Variants in SHISA6 observed in about 807,000 individuals in gnomAD.
SHISA6 encodes the protein protein shisa-6.
A neutral mutation model predicts 47.9 loss-of-function variants in SHISA6; 22 were observed. That is an observed-to-expected ratio of 0.46 (90% CI 0.33 to 0.66). The LOEUF (loss-of-function observed/expected upper bound fraction) is 0.66, where lower values mean the gene tolerates loss of function less well. SHISA6 is among the 30% of genes least tolerant of loss of function. SHISA6 has a pLI of 0.02. For synonymous variants in SHISA6, 388 were observed against 337.8 expected (o/e 1.15, Z -1.63); for missense variants, 680 against 764.6 (o/e 0.89, Z 1.30).
chr17:11,379,420 A>G lies in SHISA6; in HGVS notation c.806A>G (p.Tyr269Cys). Reference protein sequence around the residue: ...VRTAKQTPGHYGKDAYRSGGP... With the variant: ...VRTAKQTPGHCGKDAYRSGGP... ...CTGCCCCATCTTCTTGCAGGGCATT[A>G]TGGGAAGGATGCTTACCGAAGTGGA... Residue 269 changes from tyrosine (Y) to cysteine (C), a missense_variant, in exon 3 of 6, where the codon TAT becomes TGT. Coordinates refer to ENST00000441885, the MANE Select transcript of SHISA6 (RefSeq NM_207386.4). 1 of 1,537,080 alleles carries G rather than the reference A, an allele frequency of 6.5e-7. No individual in the cohort carries two copies. The highest frequency in any genetic ancestry group is 8.8e-7 in the Non-Finnish European group (1 of 1,140,946).
At chr17:11,285,793 G>T (rs1334879263) in intron 2 of SHISA6, among the ~76,000 whole-genome samples, 1 of 151,990 alleles carries the variant, frequency 6.6e-6, no homozygotes, top group Non-Finnish European at 1.5e-5. Flanking sequence ...TGGAATGAGA[G>T]GCAGGGTGGT....
intron 3 of SHISA6, among the ~76,000 whole-genome samples, chr17:11,477,468 T>C (rs940316171): frequency 2.0e-5 from 3 of 152,112 alleles, no homozygotes; most frequent in African/African-American, 7.2e-5. Context: ...GTGCACATTG[T>C]GCAGGTTAGT....
intron 3 of SHISA6, among the ~76,000 whole-genome samples, chr17:11,405,996 A>T (rs148945294): frequency 6.6e-5 from 10 of 152,208 alleles, no homozygotes; most frequent in Admixed American, 5.2e-4. Context: ...ACATATTTTC[A>T]TCATAGAAGA....
chr17:11,481,813 T>C (rs954631906), intron 3 of SHISA6, among the ~76,000 whole-genome samples: 4 of 151,702 alleles, frequency 2.6e-5, no homozygotes, highest in African/African-American at 7.3e-5. Flanking sequence ...TTTAAGAGCA[T>C]GGTAGGTTAA....
At chr17:11,523,572 G>T (rs1287805583) in intron 3 of SHISA6, among the ~76,000 whole-genome samples, 1 of 152,190 alleles carries the variant, frequency 6.6e-6, no homozygotes, top group African/African-American at 2.4e-5. Context: ...AACAAGGATA[G>T]TCTAGGGCTC....
chr17:11,328,321 C>A (rs1910980353), intron 2 of SHISA6, among the ~76,000 whole-genome samples: 1 of 152,160 alleles, frequency 6.6e-6, no homozygotes, highest in Non-Finnish European at 1.5e-5. Context: ...GAACTTTTCC[C>A]TAATGGTTGC....
intron 3 of SHISA6, among the ~76,000 whole-genome samples, chr17:11,450,995 TAA>T (rs757372845): frequency 2.5e-4 from 31 of 123,044 alleles, no homozygotes; most frequent in Admixed American, 4.9e-4. Context: ...AATAGAAAAT[TAA>T]AAAAAAAAAA....
chr17:11,492,150 G>A (rs1271041432), intron 3 of SHISA6, among the ~76,000 whole-genome samples: 1 of 152,082 alleles, frequency 6.6e-6, no homozygotes, highest in Non-Finnish European at 1.5e-5. Flanking sequence ...TCTCCTGTTG[G>A]ATCTTTATGT....
chr17:11,456,532 AGAT>A lies in SHISA6; in HGVS notation c.895+77029_895+77031del, dbSNP rs1240598213. On this transcript the variant is annotated intron_variant, in intron 3 of 5. Coordinates refer to ENST00000441885, the MANE Select transcript of SHISA6 (RefSeq NM_207386.4). Reference sequence around the variant, plus strand: ...CTAGCTCCAGGCATCTACATCCATAAGATGATGAATTCAGACAAGATAGTTGGT... The same window carrying A: ...CTAGCTCCAGGCATCTACATCCATAAGATGAATTCAGACAAGATAGTTGGT... Among the ~76,000 whole-genome samples the A allele has an allele frequency of 2.0e-5, 3 of 152,200 alleles. No homozygotes were observed. The East Asian group carries it at 5.8e-4, about 29-fold the overall frequency.
rs115388569 is a variant in SHISA6 at position 11,386,710 on chromosome 17, C to T, written c.895+7201C>T. Among the ~76,000 whole-genome samples, 1,014 of 152,256 alleles carry T rather than the reference C, an allele frequency of 6.7e-3. 15 individuals are homozygous for T. Among genetic ancestry groups the T allele is most frequent in the African/African-American group, 0.023 (952 of 41,538 alleles). ...GATAGAATCTACAGCTCAGGCGGGG[C>T]GCTGGCCTTGGCAAGGAGCAAACCC... On this transcript the variant is annotated intron_variant, in intron 3 of 5. Coordinates refer to ENST00000441885, the MANE Select transcript of SHISA6 (RefSeq NM_207386.4).
chr17:11,558,399 T>C lies in SHISA6; in HGVS notation c.*95T>C, dbSNP rs914382566. On this transcript the variant is annotated 3_prime_UTR_variant, in exon 6 of 6. Coordinates refer to ENST00000441885, the MANE Select transcript of SHISA6 (RefSeq NM_207386.4). Reference sequence around the variant, plus strand: ...AGCTTCTAGCCTTGCCACTCTCCCTTCCCTTGTCCCCTCTGTAGGAAGTGG... The same window carrying C: ...AGCTTCTAGCCTTGCCACTCTCCCTCCCCTTGTCCCCTCTGTAGGAAGTGG... 1 of 1,363,642 alleles carries C rather than the reference T, an allele frequency of 7.3e-7. No homozygotes were observed. The highest frequency in any genetic ancestry group is 2.3e-5 in the Admixed American group (1 of 43,958). The allele number at this position is 1,363,642 out of a possible 1,614,324, so 84.5% of individuals were successfully genotyped here.
intron 3 of SHISA6, among the ~76,000 whole-genome samples, chr17:11,547,423 A>C (rs2071892443): frequency 6.6e-6 from 1 of 152,228 alleles, no homozygotes; most frequent in Non-Finnish European, 1.5e-5. Flanking sequence ...TCAAACAAAC[A>C]AACCCAAACA....
intron 2 of SHISA6, among the ~76,000 whole-genome samples, chr17:11,316,177 G>T (rs1910508578): frequency 1.3e-5 from 2 of 151,540 alleles, no homozygotes; most frequent in East Asian, 1.9e-4. Context: ...AAAATTAGTT[G>T]TAAAGTTTTC....
At chr17:11,304,207 A>T (rs1438266860) in intron 2 of SHISA6, among the ~76,000 whole-genome samples, 1 of 152,172 alleles carries the variant, frequency 6.6e-6, no homozygotes, top group Non-Finnish European at 1.5e-5. Flanking sequence ...CTCCAGTGAG[A>T]GGGGCCCTGG....
chr17:11,277,280 T>TCTCTCTCTCACA (rs1386997909), intron 2 of SHISA6, among the ~76,000 whole-genome samples: 201 of 53,858 alleles, frequency 3.7e-3, no homozygotes, highest in East Asian at 0.022. Context: ...TCTCTCTCTC[T>TCTCTCTCTCACA]CACACACACA....
At chr17:11,463,747 T>C (rs1167733732) in intron 3 of SHISA6, among the ~76,000 whole-genome samples, 1 of 152,238 alleles carries the variant, frequency 6.6e-6, no homozygotes, top group African/African-American at 2.4e-5. Context: ...AAGTACGCAG[T>C]CAATTATTTA....
chr17:11,484,625 C>T (rs1436481243), intron 3 of SHISA6, among the ~76,000 whole-genome samples: 2 of 152,194 alleles, frequency 1.3e-5, no homozygotes, highest in Non-Finnish European at 2.9e-5. Flanking sequence ...TCTTGAACTC[C>T]TGACCTCAAG....
At chr17:11,473,979 AC>A (rs1915991797) in intron 3 of SHISA6, among the ~76,000 whole-genome samples, 2 of 150,932 alleles carry the variant, frequency 1.3e-5, no homozygotes, top group Non-Finnish European at 3.0e-5. Context: ...TCATTGTTCA[AC>A]CCCCACTTAT....
At chr17:11,367,022 G>A (rs766934631) in intron 2 of SHISA6, among the ~76,000 whole-genome samples, 25 of 152,180 alleles carry the variant, frequency 1.6e-4, no homozygotes, top group Admixed American at 7.2e-4. Context: ...GGAAAGGAGA[G>A]ATGGACAGAC....
Sources: gnomAD v4.1 joint callset for allele counts (sites outside exome capture counted in the v4.1 genomes callset) on GRCh38, gnomAD v4.1.1 for gene constraint, MANE v1.5 for transcripts, NCBI Gene and HGNC (gene_info 2026-07-23, HGNC 2026-07-21) for gene names.